JAM3: variants seen among roughly 807,000 people sequenced by gnomAD.
JAM3 encodes junctional adhesion molecule 3, also known as junctional adhesion molecule C.
A neutral mutation model predicts 39.4 loss-of-function variants in JAM3; 31 were observed. That is an observed-to-expected ratio of 0.79 (90% CI 0.59 to 1.06). The LOEUF is 1.06. JAM3 is among the 50% of genes least tolerant of loss of function. The pLI, the probability that JAM3 is intolerant of heterozygous loss-of-function variation, is 0.00. For synonymous variants in JAM3, 182 were observed against 148.7 expected (o/e 1.22, Z -1.63); for missense variants, 455 against 391.4 (o/e 1.16, Z -1.37).
chr11:134,120,864 T>C (rs1942518073), intron 1 of JAM3, among the ~76,000 whole-genome samples: 1 of 152,256 alleles, frequency 6.6e-6, no homozygotes, highest in South Asian at 2.1e-4. Context: ...TGTTATGGCT[T>C]AAATGTATTG....
At chr11:134,097,750 T>C (rs547532319) in intron 1 of JAM3, among the ~76,000 whole-genome samples, 2 of 152,288 alleles carry the variant, frequency 1.3e-5, no homozygotes, top group South Asian at 2.1e-4. Context: ...GATTTATTTT[T>C]ATATTACAAG....
intron 1 of JAM3, chr11:134,139,523 C>G (rs1430144472): frequency 2.9e-6 from 1 of 346,606 alleles, no homozygotes; most frequent in Admixed American, 4.0e-5. Context: ...GCAGAAGGCC[C>G]GGGCAGGTCT....
chr11:134,140,792 G>C (rs762927712), intron 3 of JAM3, 22 bp downstream of exon 3: 1 of 1,599,812 alleles, frequency 6.3e-7, no homozygotes, highest in Non-Finnish European at 8.5e-7. Context: ...TAGTCCTCTT[G>C]CCTGCTGACC....
At chr11:134,124,509 A>G (rs1248382649) in intron 1 of JAM3, among the ~76,000 whole-genome samples, 2 of 152,196 alleles carry the variant, frequency 1.3e-5, no homozygotes, top group South Asian at 2.1e-4. Flanking sequence ...CAAGATAAGC[A>G]AAGTATTTAG....
At chr11:134,146,949 C>T (rs900432675) in intron 6 of JAM3, among the ~76,000 whole-genome samples, 1 of 152,168 alleles carries the variant, frequency 6.6e-6, no homozygotes, top group African/African-American at 2.4e-5. Flanking sequence ...TGGTGATACC[C>T]ATTTGGGACC....
chr11:134,110,935 AG>A (rs1942297310), intron 1 of JAM3, among the ~76,000 whole-genome samples: 1 of 152,034 alleles, frequency 6.6e-6, no homozygotes, highest in African/African-American at 2.4e-5. Flanking sequence ...CTGGTGAAAA[AG>A]GATACACTAG....
rs1379147736 is a variant in JAM3 at position 134,150,659 on chromosome 11, GT to G, written c.*1481del. On this transcript the variant is annotated 3_prime_UTR_variant, in exon 9 of 9. Transcript: ENST00000299106. ...AATGCTATTTTTTTTTTTTAAGTTT[GT>G]TTAATTATTTGTTAAGATTGTCTAA... The G allele has an allele frequency of 1.1e-4, 17 of 151,278 alleles. No individual in the cohort carries two copies. Among genetic ancestry groups the G allele is most frequent in the Non-Finnish European group, 2.4e-4 (16 of 67,832 alleles). 9.4% of individuals were successfully genotyped at this position (151,278 alleles called of 1,614,324 possible).
chr11:134,121,820 C>CGCGT (rs1022285169), intron 1 of JAM3, among the ~76,000 whole-genome samples: 1 of 131,726 alleles, frequency 7.6e-6, no homozygotes, highest in Non-Finnish European at 1.6e-5. Flanking sequence ...TGCATGTGTG[C>CGCGT]GCACACACAC....
At chr11:134,130,274 A>C (rs1425979689) in intron 1 of JAM3, among the ~76,000 whole-genome samples, 5 of 152,218 alleles carry the variant, frequency 3.3e-5, no homozygotes, top group Non-Finnish European at 7.3e-5. Flanking sequence ...CAAAGACACT[A>C]ACTCAGTCTA....
intron 1 of JAM3, among the ~76,000 whole-genome samples, chr11:134,132,036 A>G (rs1942779973): frequency 6.6e-6 from 1 of 152,220 alleles, no homozygotes; most frequent in Non-Finnish European, 1.5e-5. Flanking sequence ...AGAAATAATG[A>G]AGAATAAACT....
rs1344847780 is a variant in JAM3 at position 134,150,950 on chromosome 11, T to G, written c.*1769T>G. On this transcript the variant is annotated 3_prime_UTR_variant, in exon 9 of 9. Coordinates refer to ENST00000299106, the MANE Select transcript of JAM3 (RefSeq NM_032801.5). The stretch of plus-strand genomic sequence containing the variant: ...TCTAATTTTGACTTTAAATTTTTCA[T>G]CCGCCGGAGACACTGCTCCCATTTG... 1 of 152,206 alleles carries G rather than the reference T, an allele frequency of 6.6e-6. No homozygotes were observed. Among genetic ancestry groups the G allele is most frequent in the Admixed American group, 6.5e-5 (1 of 15,286 alleles). The allele number at this position is 152,206 out of a possible 1,614,324, so 9.4% of individuals were successfully genotyped here.
chr11:134,077,083 C>T (rs902004869), intron 1 of JAM3, among the ~76,000 whole-genome samples: 2 of 152,010 alleles, frequency 1.3e-5, no homozygotes, highest in South Asian at 4.1e-4. Context: ...GATCTGCCCA[C>T]CTTGGCCTCC....
At chr11:134,099,047 A>G (rs1942030841) in intron 1 of JAM3, among the ~76,000 whole-genome samples, 1 of 152,020 alleles carries the variant, frequency 6.6e-6, no homozygotes, top group Non-Finnish European at 1.5e-5. Context: ...AAAAAATACA[A>G]AAATTAGCCA....
At chr11:134,130,989 C>T (rs980889365) in intron 1 of JAM3, among the ~76,000 whole-genome samples, 4 of 152,122 alleles carry the variant, frequency 2.6e-5, no homozygotes, top group African/African-American at 4.8e-5. Context: ...CTGTAAGGCC[C>T]AGAGGAGAAA....
At chr11:134,124,646 T>C (rs1409866050) in intron 1 of JAM3, among the ~76,000 whole-genome samples, 1 of 152,090 alleles carries the variant, frequency 6.6e-6, no homozygotes, top group Non-Finnish European at 1.5e-5. Flanking sequence ...AAGTTAAAAG[T>C]GTAGGTCGCT....
In JAM3 at chr11:134,149,857, C is replaced by A; in HGVS notation, c.*676C>A. On this transcript the variant is annotated 3_prime_UTR_variant, in exon 9 of 9. Coordinates refer to ENST00000299106, the MANE Select transcript of JAM3 (RefSeq NM_032801.5). ...GTCAGGATTTAAGGAAAACCTTCGTCTTAGGCTAAGTCTGAAATGGTACTG... is the reference window on the plus strand; with the variant it reads ...GTCAGGATTTAAGGAAAACCTTCGTATTAGGCTAAGTCTGAAATGGTACTG... The A allele has an allele frequency of 3.1e-6, 1 of 319,788 alleles. No individual in the cohort carries two copies. Among genetic ancestry groups the A allele is most frequent in the South Asian group, 2.7e-5 (1 of 37,526 alleles). 19.8% of individuals were successfully genotyped at this position (319,788 alleles called of 1,614,324 possible).
rs1943202938 is a variant in JAM3, at chr11:134,150,837, G to A, written c.*1656G>A. 1 of 152,192 alleles carries A rather than the reference G, an allele frequency of 6.6e-6. No individual in the cohort carries two copies. Among genetic ancestry groups the A allele is most frequent in the African/African-American group, 2.4e-5 (1 of 41,448 alleles). 9.4% of individuals were successfully genotyped at this position (152,192 alleles called of 1,614,324 possible). A position where few individuals can be genotyped will look rare whatever the true frequency, so the allele number is the denominator to read the frequency against. Reference sequence around the variant, plus strand: ...ACAAACCATGATGGAGTGGCGGCCAGTCCAGCCTTTTAAAGAACGTCAGGT... The same window carrying A: ...ACAAACCATGATGGAGTGGCGGCCAATCCAGCCTTTTAAAGAACGTCAGGT... On this transcript the variant is annotated 3_prime_UTR_variant, in exon 9 of 9. Coordinates refer to ENST00000299106, the MANE Select transcript of JAM3 (RefSeq NM_032801.5).
At chr11:134,127,106 GGAA>G (rs917363618) in intron 1 of JAM3, among the ~76,000 whole-genome samples, 25 of 152,212 alleles carry the variant, frequency 1.6e-4, no homozygotes, top group African/African-American at 4.6e-4. Context: ...TGAAGTCATA[GGAA>G]GAAGAAGAAT....
intron 1 of JAM3, among the ~76,000 whole-genome samples, chr11:134,127,123 A>G (rs781498834): frequency 6.6e-6 from 1 of 152,190 alleles, no homozygotes; most frequent in Non-Finnish European, 1.5e-5. Flanking sequence ...GAAGAATTGT[A>G]GGCATCAGAA....
Sources: gnomAD v4.1 joint callset for allele counts (sites outside exome capture counted in the v4.1 genomes callset) on GRCh38, gnomAD v4.1.1 for gene constraint, MANE v1.5 for transcripts, NCBI Gene and HGNC (gene_info 2026-07-23, HGNC 2026-07-21) for gene names.